Variants in ASAP1 observed in about 807,000 individuals in gnomAD.
ASAP1 encodes the protein arf-GAP with SH3 domain, ANK repeat and PH domain-containing protein 1.
A neutral mutation model predicts 145.2 loss-of-function variants in ASAP1; 43 were observed. The ratio of observed to expected loss-of-function variants is 0.30; its 90% CI spans 0.23 to 0.38. ASAP1 has a LOEUF of 0.38. ASAP1 is among the 10% of genes least tolerant of loss of function. ASAP1 has a pLI of 1.00. For missense variants in ASAP1, 1,018 were observed against 1,355.3 expected, an observed-to-expected ratio of 0.75 and a Z score of 3.91; for synonymous variants, 546 against 515.5, an observed-to-expected ratio of 1.06 and a Z score of -0.80.
chr8:130,325,096 CA>C (rs1455476734), intron 3 of ASAP1, among the ~76,000 whole-genome samples: 1 of 152,158 alleles, frequency 6.6e-6, no homozygotes, highest in Non-Finnish European at 1.5e-5. Context: ...ATTCCACTGA[CA>C]AATTCTGGGG....
chr8:130,118,400 C>T (rs954314402), intron 19 of ASAP1, 89 bp downstream of exon 19: 5 of 1,404,600 alleles, frequency 3.6e-6, no homozygotes, highest in Non-Finnish European at 2.9e-6. Context: ...GTATAAGAAT[C>T]TCATTATATG....
chr8:130,212,923 A>C (rs1305843301), intron 5 of ASAP1, among the ~76,000 whole-genome samples: 1 of 152,236 alleles, frequency 6.6e-6, no homozygotes, highest in East Asian at 1.9e-4. Flanking sequence ...GCAAGACATC[A>C]ATGCGAAAAC....
chr8:130,100,196 T>A (rs1403606108), intron 24 of ASAP1, among the ~76,000 whole-genome samples: 1 of 152,262 alleles, frequency 6.6e-6, no homozygotes, highest in African/African-American at 2.4e-5. Flanking sequence ...GTCTTTTTGA[T>A]GATAGCCATT....
At chr8:130,207,368 T>C (rs1013143031) in intron 5 of ASAP1, among the ~76,000 whole-genome samples, 1 of 152,188 alleles carries the variant, frequency 6.6e-6, no homozygotes, top group Admixed American at 6.5e-5. Flanking sequence ...ATCTGTTAAG[T>C]ACATGCTACG....
chr8:130,149,049 T>C (rs2097640111), intron 13 of ASAP1, among the ~76,000 whole-genome samples: 2 of 148,212 alleles, frequency 1.3e-5, no homozygotes, highest in African/African-American at 2.5e-5. Context: ...GGTTTCTCCA[T>C]GTTGCCCAGG....
Position 130,276,151 on chromosome 8 carries a change from A to G in ASAP1, c.187-39157T>C, listed in dbSNP as rs1411783361. Among the ~76,000 whole-genome samples the G allele has an allele frequency of 7.2e-5, 11 of 152,294 alleles. No homozygotes were observed. In the East Asian group the frequency reaches 1.9e-3, roughly 27 times the overall value. On this transcript the variant is annotated intron_variant, in intron 3 of 29. Coordinates refer to ENST00000518721, the MANE Select transcript of ASAP1 (RefSeq NM_018482.4). The stretch of plus-strand genomic sequence containing the variant: ...TGCGGGCCTGACCTCTAGGTCTGGC[A>G]TTGCTGCTAATAAATTATGATGTTC...
At chr8:130,279,766 T>C (rs890365626) in intron 3 of ASAP1, among the ~76,000 whole-genome samples, 3 of 152,150 alleles carry the variant, frequency 2.0e-5, no homozygotes, top group Non-Finnish European at 4.4e-5. Flanking sequence ...AAAAGAGAAG[T>C]GAAGGCAGGG....
intron 3 of ASAP1, among the ~76,000 whole-genome samples, chr8:130,279,691 T>C (rs1821139443): frequency 6.6e-6 from 1 of 152,174 alleles, no homozygotes; most frequent in Non-Finnish European, 1.5e-5. Context: ...TGTAAAAATA[T>C]TGTATAATTT....
At chr8:130,197,302 T>C (rs566823103) in intron 5 of ASAP1, among the ~76,000 whole-genome samples, 2 of 152,322 alleles carry the variant, frequency 1.3e-5, no homozygotes, top group East Asian at 1.9e-4. Flanking sequence ...TGGTAGTGCA[T>C]GCCTAAACCT....
intron 2 of ASAP1, among the ~76,000 whole-genome samples, chr8:130,367,151 A>C (rs1471331729): frequency 1.3e-5 from 2 of 151,854 alleles, no homozygotes; most frequent in African/African-American, 2.4e-5. Context: ...CGGCCTCCCA[A>C]AGTGCTGGGA....
At chr8:130,359,020 C>G (rs1024126564) in intron 2 of ASAP1, among the ~76,000 whole-genome samples, 1 of 152,102 alleles carries the variant, frequency 6.6e-6, no homozygotes, top group African/African-American at 2.4e-5. Context: ...GCGAAGGAAG[C>G]GCTGGGCGCA....
chr8:130,206,304 C>T (rs1406791249), intron 5 of ASAP1, among the ~76,000 whole-genome samples: 1 of 152,074 alleles, frequency 6.6e-6, no homozygotes, highest in East Asian at 1.9e-4. Context: ...CACCCAGAAG[C>T]TACCAATTTT....
chr8:130,327,362 G>A (rs182177382), intron 3 of ASAP1, among the ~76,000 whole-genome samples: 216 of 152,306 alleles, frequency 1.4e-3, no homozygotes, highest in Non-Finnish European at 2.8e-3. Context: ...CTGGACCTCA[G>A]TGTAGGGTGT....
chr8:130,302,359 A>G (rs989143917), intron 3 of ASAP1, among the ~76,000 whole-genome samples: 1 of 152,232 alleles, frequency 6.6e-6, no homozygotes, highest in Non-Finnish European at 1.5e-5. Flanking sequence ...TCGTTTTTTC[A>G]CAGACACAGA....
intron 28 of ASAP1, among the ~76,000 whole-genome samples, chr8:130,060,304 G>A (rs1415654407): frequency 6.6e-6 from 1 of 152,088 alleles, no homozygotes; most frequent in Non-Finnish European, 1.5e-5. Flanking sequence ...GCTCCTTTTT[G>A]TATGTGAAGA....
At chr8:130,354,655 T>C (rs544772377) in intron 3 of ASAP1, among the ~76,000 whole-genome samples, 4 of 152,306 alleles carry the variant, frequency 2.6e-5, no homozygotes, top group Admixed American at 2.0e-4. Flanking sequence ...AAGAGTAAAA[T>C]GGCACACATC....
At chr8:130,093,409 G>C (rs979860480) in intron 24 of ASAP1, among the ~76,000 whole-genome samples, 5 of 149,636 alleles carry the variant, frequency 3.3e-5, no homozygotes, top group African/African-American at 1.3e-4. Flanking sequence ...GCTCTCGCCT[G>C]TAACTCCAGC....
intron 2 of ASAP1, among the ~76,000 whole-genome samples, chr8:130,391,746 C>T (rs35009497): frequency 0.062 from 9,511 of 152,300 alleles, 298 homozygotes; most frequent in Middle Eastern, 0.12. Flanking sequence ...CAGTCCAATA[C>T]AGTAAATGTA....
At chr8:130,423,992 C>T (rs7834860) in intron 1 of ASAP1, among the ~76,000 whole-genome samples, 8,693 of 152,142 alleles carry the variant, frequency 0.057, 571 homozygotes, top group African/African-American at 0.16. Flanking sequence ...AAATTGACTG[C>T]GGCGATGGCT....
Sources: allele counts gnomAD v4.1 joint callset (sites outside exome capture counted in the v4.1 genomes callset), GRCh38; gene constraint gnomAD v4.1.1; transcripts MANE v1.5; gene names NCBI Gene and HGNC (gene_info 2026-07-23, HGNC 2026-07-21).